NKAIN2: variants seen among roughly 807,000 people sequenced by gnomAD.
NKAIN2 encodes sodium/potassium transporting ATPase interacting 2, also known as sodium/potassium-transporting ATPase subunit beta-1-interacting protein 2.
Under a neutral mutation model 32.6 loss-of-function variants are expected in NKAIN2, and 14 were observed. That is an observed-to-expected ratio of 0.43 (90% CI 0.28 to 0.67). The LOEUF (loss-of-function observed/expected upper bound fraction) is 0.67, where lower values mean the gene tolerates loss of function less well. NKAIN2 is among the 30% of genes least tolerant of loss of function. The pLI is 0.17. For missense variants in NKAIN2, 198 were observed against 258.3 expected, an observed-to-expected ratio of 0.77 and a Z score of 1.60; for synonymous variants, 80 against 87.2, an observed-to-expected ratio of 0.92 and a Z score of 0.46.
chr6:124,375,919 A>C (rs1562139501), intron 3 of NKAIN2, among the ~76,000 whole-genome samples: 1 of 152,166 alleles, frequency 6.6e-6, no homozygotes, highest in East Asian at 1.9e-4. Context: ...CTCTAGGTTA[A>C]GCCTTTGCCC....
chr6:123,962,862 G>A (rs932686836), intron 1 of NKAIN2, among the ~76,000 whole-genome samples: 19 of 152,306 alleles, frequency 1.2e-4, no homozygotes, highest in South Asian at 2.1e-4. Context: ...CCTGCCCAGA[G>A]CGAGAGTAAA....
At chr6:124,418,837 G>T (rs1774617544) in intron 3 of NKAIN2, among the ~76,000 whole-genome samples, 1 of 151,780 alleles carries the variant, frequency 6.6e-6, no homozygotes, top group Middle Eastern at 3.2e-3. Flanking sequence ...CGGATCATTT[G>T]ATTTGGTTCT....
intron 4 of NKAIN2, among the ~76,000 whole-genome samples, chr6:124,740,704 G>A (rs528139734): frequency 2.0e-4 from 30 of 151,954 alleles, no homozygotes; most frequent in African/African-American, 5.8e-4. Flanking sequence ...TGAGTTTGCC[G>A]TTCTAAGAAA....
intron 1 of NKAIN2, among the ~76,000 whole-genome samples, chr6:123,989,471 A>G (rs1779321146): frequency 6.6e-6 from 1 of 152,204 alleles, no homozygotes; most frequent in Non-Finnish European, 1.5e-5. Flanking sequence ...AATAAAAACA[A>G]TAAACAGAAC....
chr6:124,687,741 TATAC>T lies in NKAIN2; in HGVS notation c.474+29357_474+29360del, dbSNP rs1337574512. On this transcript the variant is annotated intron_variant, in intron 4 of 6. Coordinates refer to ENST00000368417, the MANE Select transcript of NKAIN2 (RefSeq NM_001040214.3). ...ATATATAATATAAATATATATGATA[TATAC>T]ACACACACACACACACACACACACA... 6.6e-3 allele frequency among the ~76,000 whole-genome samples: 199 copies of T among 30,016 alleles called. 7 individuals carry two copies. The highest frequency in any genetic ancestry group is 0.014 in the African/African-American group (193 of 13,948). The allele number at this position is 30,016 out of a possible 152,430, so 19.7% of individuals were successfully genotyped here.
chr6:124,326,618 C>T (rs182258811), intron 2 of NKAIN2, among the ~76,000 whole-genome samples: 73 of 152,258 alleles, frequency 4.8e-4, no homozygotes, highest in African/African-American at 1.6e-3. Context: ...CCCTTACCTC[C>T]AGGGTTCTAG....
chr6:123,949,228 A>G (rs2114578297), intron 1 of NKAIN2, among the ~76,000 whole-genome samples: 1 of 152,016 alleles, frequency 6.6e-6, no homozygotes, highest in East Asian at 1.9e-4. Context: ...TGAGTAAGGT[A>G]GTAGTGGGAG....
chr6:124,263,324 G>C (rs1370966440), intron 1 of NKAIN2, among the ~76,000 whole-genome samples: 1 of 152,134 alleles, frequency 6.6e-6, no homozygotes, highest in Non-Finnish European at 1.5e-5. Context: ...ATTCCCTTTA[G>C]ATTTTTGCTA....
chr6:124,034,284 C>T (rs1480591637), intron 1 of NKAIN2, among the ~76,000 whole-genome samples: 1 of 151,936 alleles, frequency 6.6e-6, no homozygotes, highest in Non-Finnish European at 1.5e-5. Flanking sequence ...GCCCTTCTCC[C>T]TCCCTCCCTC....
intron 1 of NKAIN2, among the ~76,000 whole-genome samples, chr6:124,235,738 A>G (rs553277139): frequency 6.6e-6 from 1 of 151,750 alleles, no homozygotes; most frequent in Admixed American, 6.6e-5. Context: ...AGCTGGGATT[A>G]CAGGCACCCG....
At chr6:124,780,480 A>T (rs1779211699) in intron 4 of NKAIN2, among the ~76,000 whole-genome samples, 1 of 152,112 alleles carries the variant, frequency 6.6e-6, no homozygotes, top group Non-Finnish European at 1.5e-5. Flanking sequence ...TGTTTGTTGG[A>T]CAGAGAAATG....
intron 3 of NKAIN2, among the ~76,000 whole-genome samples, chr6:124,360,626 G>A (rs1230501609): frequency 1.3e-5 from 2 of 151,924 alleles, no homozygotes; most frequent in Non-Finnish European, 2.9e-5. Context: ...ATCCACCGGA[G>A]AAACTTTTAA....
chr6:124,800,689 G>T (rs928556284), intron 5 of NKAIN2, among the ~76,000 whole-genome samples: 2 of 152,194 alleles, frequency 1.3e-5, no homozygotes, highest in Non-Finnish European at 2.9e-5. Flanking sequence ...GAGGCACAGA[G>T]TGCTTCTGGG....
intron 1 of NKAIN2, among the ~76,000 whole-genome samples, chr6:124,217,170 A>G (rs1791522182): frequency 1.3e-5 from 2 of 152,166 alleles, no homozygotes; most frequent in South Asian, 4.1e-4. Context: ...AAGTTAAATA[A>G]GTAGGAAAAA....
chr6:124,206,624 G>T (rs1249832021), intron 1 of NKAIN2, among the ~76,000 whole-genome samples: 1 of 151,780 alleles, frequency 6.6e-6, no homozygotes, highest in Non-Finnish European at 1.5e-5. Context: ...CACAGTATCA[G>T]AATATTATTC....
chr6:124,509,873 T>C (rs80129980), intron 3 of NKAIN2, among the ~76,000 whole-genome samples: 3,326 of 152,280 alleles, frequency 0.022, 108 homozygotes, highest in African/African-American at 0.075. Flanking sequence ...CATATAAATA[T>C]AGACATTAGT....
chr6:123,868,015 C>T (rs555716843), intron 1 of NKAIN2, among the ~76,000 whole-genome samples: 7 of 151,030 alleles, frequency 4.6e-5, no homozygotes, highest in Non-Finnish European at 7.4e-5. Flanking sequence ...ACTACAGGCG[C>T]ACACCACCAC....
intron 3 of NKAIN2, among the ~76,000 whole-genome samples, chr6:124,415,960 A>G (rs1033094596): frequency 2.0e-5 from 3 of 146,692 alleles, no homozygotes; most frequent in South Asian, 2.1e-4. Context: ...CAACACAAAT[A>G]TTTGATCTTT....
chr6:124,171,941 C>T (rs802219), intron 1 of NKAIN2, among the ~76,000 whole-genome samples: 85,081 of 146,688 alleles, frequency 0.58, 26,068 homozygotes, highest in Non-Finnish European at 0.7. Flanking sequence ...GCCTCCCAAG[C>T]AACTGGTACT....
Sources: gnomAD v4.1 joint callset for allele counts (sites outside exome capture counted in the v4.1 genomes callset) on GRCh38, gnomAD v4.1.1 for gene constraint, MANE v1.5 for transcripts, NCBI Gene and HGNC (gene_info 2026-07-23, HGNC 2026-07-21) for gene names.